Variants in ADAMTS17 observed in about 807,000 individuals in gnomAD.
ADAMTS17 encodes ADAM metallopeptidase with thrombospondin type 1 motif 17, also known as A disintegrin and metalloproteinase with thrombospondin motifs 17.
In ADAMTS17, 113 loss-of-function variants were observed where a neutral mutation model predicts 141.5. The observed-to-expected ratio is 0.80, with a 90% CI of 0.69 to 0.93. The LOEUF is 0.93. ADAMTS17 is among the 40% of genes least tolerant of loss of function. The pLI, the probability that ADAMTS17 is intolerant of heterozygous loss-of-function variation, is 0.00. For missense variants in ADAMTS17, 1,659 were observed against 1,517.9 expected (o/e 1.09, Z -1.54); for synonymous variants, 768 against 630.6 (o/e 1.22, Z -3.27).
At chr15:100,285,451 A>G (rs1187491241) in intron 3 of ADAMTS17, among the ~76,000 whole-genome samples, 2 of 152,246 alleles carry the variant, frequency 1.3e-5, no homozygotes, top group Non-Finnish European at 2.9e-5. Flanking sequence ...TAGAAAGGAT[A>G]CAGTATCCAG....
chr15:100,184,627 G>A (rs1169097861), intron 8 of ADAMTS17, among the ~76,000 whole-genome samples: 3 of 152,102 alleles, frequency 2.0e-5, no homozygotes, highest in African/African-American at 7.2e-5. Flanking sequence ...TACACATTTT[G>A]GCAGAACCTC....
At chr15:100,104,404 C>G (rs2036298606) in intron 14 of ADAMTS17, among the ~76,000 whole-genome samples, 2 of 152,152 alleles carry the variant, frequency 1.3e-5, no homozygotes, top group African/African-American at 4.8e-5. Flanking sequence ...TGAAATGAAA[C>G]TTAATTCAGT....
chr15:100,035,860 C>T (rs2030654273), intron 18 of ADAMTS17, among the ~76,000 whole-genome samples: 1 of 152,124 alleles, frequency 6.6e-6, no homozygotes, highest in East Asian at 1.9e-4. Context: ...GAAGAGACGA[C>T]TCACCAAGTT....
intron 15 of ADAMTS17, among the ~76,000 whole-genome samples, chr15:100,087,876 A>C (rs1487325003): frequency 1.3e-5 from 2 of 152,226 alleles, no homozygotes; most frequent in African/African-American, 4.8e-5. Context: ...ACCCACAGCC[A>C]ACATCATACT....
rs1347076562 is a variant in ADAMTS17 at position 99,972,813 on chromosome 15, T to A, written c.*1589A>T. ...CAAAAACACAGCTCGTAAGACAGGGTGGAGAAGGCAGAGAGGCTTCTTTCT... is the reference window on the plus strand; with the variant it reads ...CAAAAACACAGCTCGTAAGACAGGGAGGAGAAGGCAGAGAGGCTTCTTTCT... On this transcript the variant is annotated 3_prime_UTR_variant, in exon 22 of 22. Coordinates refer to ENST00000268070, the MANE Select transcript of ADAMTS17 (RefSeq NM_139057.4). The A allele has an allele frequency of 6.6e-6, 1 of 152,050 alleles. No homozygotes were observed. The highest frequency in any genetic ancestry group is 6.5e-5 in the Admixed American group (1 of 15,274). 9.4% of individuals were successfully genotyped at this position (152,050 alleles called of 1,614,324 possible).
chr15:100,341,221 G>A lies in ADAMTS17; in HGVS notation c.268C>T (p.Arg90Cys). 7.0e-7 allele frequency: 1 copy of A among 1,438,522 alleles called. No homozygotes were observed. Among genetic ancestry groups the A allele is most frequent in the East Asian group, 3.2e-5 (1 of 31,264 alleles). The allele number at this position is 1,438,522 out of a possible 1,614,324, so 89.1% of individuals were successfully genotyped here. ...ALLLHLPAFG[R>C]DLYLQLRRDL... is the part of the protein sequence containing the mutation. ...CGGCGCAGCTGAAGGTACAGGTCGC[G>A]CCCGAAGGCCGGCAGGTGCAGCAGC... Residue 90 changes from arginine to cysteine, a missense_variant, in exon 2 of 22, where the codon CGC (arginine) becomes TGC (cysteine). Transcript: ENST00000268070.
At chr15:100,218,263 A>G (rs2042028739) in intron 7 of ADAMTS17, among the ~76,000 whole-genome samples, 1 of 152,246 alleles carries the variant, frequency 6.6e-6, no homozygotes, top group African/African-American at 2.4e-5. Flanking sequence ...ATCATTCCAC[A>G]ATGTAACATG....
At chr15:100,108,921 C>T (rs2036571198) in intron 14 of ADAMTS17, 68 bp downstream of exon 14, 3 of 1,608,990 alleles carry the variant, frequency 1.9e-6, no homozygotes, top group African/African-American at 1.3e-5. Flanking sequence ...CTCTACCCCA[C>T]TCCCTGTCTG....
chr15:100,217,080 T>C (rs1407293029), intron 7 of ADAMTS17, among the ~76,000 whole-genome samples: 1 of 150,742 alleles, frequency 6.6e-6, no homozygotes. Context: ...ACATGAGACA[T>C]GGGTTTGTGT....
At chr15:99,976,905 C>G (rs142046834) in intron 20 of ADAMTS17, among the ~76,000 whole-genome samples, 9 of 152,268 alleles carry the variant, frequency 5.9e-5, no homozygotes, top group African/African-American at 2.2e-4. Flanking sequence ...TGCATTCCAC[C>G]GCTCGCCTCT....
At chr15:100,211,226 G>A (rs2041797766) in intron 7 of ADAMTS17, among the ~76,000 whole-genome samples, 1 of 150,942 alleles carries the variant, frequency 6.6e-6, no homozygotes, top group South Asian at 2.1e-4. Flanking sequence ...CACCTGGGAG[G>A]TGGAGGTTGC....
At chr15:100,230,406 G>A (rs1306117930) in intron 7 of ADAMTS17, among the ~76,000 whole-genome samples, 1 of 152,184 alleles carries the variant, frequency 6.6e-6, no homozygotes, top group Non-Finnish European at 1.5e-5. Context: ...AGAGTTGGAG[G>A]AGAAGTCATC....
intron 12 of ADAMTS17, chr15:100,128,698 G>A (rs1290515757): frequency 6.6e-6 from 1 of 152,336 alleles, no homozygotes; most frequent in East Asian, 1.9e-4. Context: ...GGGGGAATGG[G>A]GTGAGAATCC....
At chr15:100,065,295 A>G (rs958437816) in intron 15 of ADAMTS17, among the ~76,000 whole-genome samples, 5 of 152,210 alleles carry the variant, frequency 3.3e-5, no homozygotes, top group African/African-American at 1.2e-4. Flanking sequence ...ATCAGTGACA[A>G]CTTCAAAATA....
chr15:100,031,639 G>A (rs149778985), intron 18 of ADAMTS17, among the ~76,000 whole-genome samples: 36 of 152,328 alleles, frequency 2.4e-4, no homozygotes, highest in African/African-American at 7.5e-4. Context: ...TCATGCCACC[G>A]GAATGAAATC....
intron 18 of ADAMTS17, among the ~76,000 whole-genome samples, chr15:100,007,644 C>T (rs900840076): frequency 6.6e-6 from 1 of 151,988 alleles, no homozygotes; most frequent in Admixed American, 6.6e-5. Flanking sequence ...GGACTCTGAG[C>T]CCAAGAATGT....
intron 8 of ADAMTS17, among the ~76,000 whole-genome samples, chr15:100,198,255 T>A (rs1449607316): frequency 6.6e-6 from 1 of 152,150 alleles, no homozygotes; most frequent in African/African-American, 2.4e-5. Context: ...AAAAAGTGAA[T>A]TAATAGAATA....
intron 8 of ADAMTS17, chr15:100,168,455 G>A (rs553278262): frequency 2.0e-5 from 3 of 152,340 alleles, no homozygotes; most frequent in African/African-American, 7.2e-5. Context: ...TATGCTTTCT[G>A]CTTCTGAGCC....
At chr15:100,063,833 A>G in intron 15 of ADAMTS17, 1 of 1,071,174 alleles carries the variant, frequency 9.3e-7, no homozygotes, top group Non-Finnish European at 1.3e-6. Context: ...TCCCCCGGCC[A>G]AAATCTAGCT....
Sources: gnomAD v4.1 joint callset for allele counts (sites outside exome capture counted in the v4.1 genomes callset) on GRCh38, gnomAD v4.1.1 for gene constraint, MANE v1.5 for transcripts, NCBI Gene and HGNC (gene_info 2026-07-23, HGNC 2026-07-21) for gene names.